Variants in OR6N1 observed in about 807,000 individuals in gnomAD.
OR6N1 encodes the protein olfactory receptor 6N1.
For missense variants in OR6N1, 394 were observed against 371.7 expected (o/e 1.06, Z -0.49); for synonymous variants, 170 against 150.7 (o/e 1.13, Z -0.94).
At chr1:158,774,461 C>G (rs555600978), upstream of OR6N1, 11 of 152,298 alleles carry the variant, frequency 7.2e-5, no homozygotes, top group South Asian at 2.3e-3. Flanking sequence ...CTCAGGAAAG[C>G]TGCCCAGGCT....
At chr1:158,768,623 G>A (rs528783859) in intron 1 of OR6N1, among the ~76,000 whole-genome samples, 17 of 152,138 alleles carry the variant, frequency 1.1e-4, no homozygotes, top group Non-Finnish European at 1.5e-4. Context: ...TAGGTTCTGC[G>A]TTTCCATCGA....
At chr1:158,803,914 G>GA in the OR6N1 span, among the ~76,000 whole-genome samples, 5 of 152,284 alleles carry the variant, frequency 3.3e-5, no homozygotes, top group South Asian at 2.1e-4. Context: ...TAGAGTGAGG[G>GA]AAAATGACAA....
intron 1 of OR6N1, among the ~76,000 whole-genome samples, chr1:158,767,595 A>C (rs1305282331): frequency 6.6e-6 from 1 of 152,236 alleles, no homozygotes; most frequent in Non-Finnish European, 1.5e-5. Context: ...GATGTTAACA[A>C]ACTAATATTG....
At chr1:158,835,674 A>C in the OR6N1 span, among the ~76,000 whole-genome samples, 1 of 151,874 alleles carries the variant, frequency 6.6e-6, no homozygotes, top group Admixed American at 6.6e-5. Flanking sequence ...TGAACAAAAA[A>C]ATCATCCTTG....
At chr1:158,830,939 C>T in the OR6N1 span, among the ~76,000 whole-genome samples, 2 of 152,108 alleles carry the variant, frequency 1.3e-5, no homozygotes, top group Non-Finnish European at 2.9e-5. Flanking sequence ...GTAGACCCAC[C>T]CCTATCCAAG....
the OR6N1 span, among the ~76,000 whole-genome samples, chr1:158,813,853 C>G: frequency 6.6e-6 from 1 of 151,780 alleles, no homozygotes; most frequent in African/African-American, 2.4e-5. Flanking sequence ...GTGCTCCATG[C>G]CCGGTTGATT....
At chr1:158,832,590 CAG>C in the OR6N1 span, among the ~76,000 whole-genome samples, 323 of 151,154 alleles carry the variant, frequency 2.1e-3, 7 homozygotes, top group East Asian at 0.059. Context: ...AAAGTAATAA[CAG>C]ATTATATTTA....
At chr1:158,818,235 C>T in the OR6N1 span, among the ~76,000 whole-genome samples, 1 of 152,252 alleles carries the variant, frequency 6.6e-6, no homozygotes, top group Non-Finnish European at 1.5e-5. Context: ...GGACTAGACA[C>T]ATAGCCTTTC....
At chr1:158,776,581 G>T, upstream of OR6N1, 1 of 659,516 alleles carries the variant, frequency 1.5e-6, no homozygotes, top group Non-Finnish European at 2.6e-6. Context: ...CTTTGAAGAG[G>T]TGAAAGGAAA....
At chr1:158,817,711 A>T in the OR6N1 span, among the ~76,000 whole-genome samples, 36 of 152,174 alleles carry the variant, frequency 2.4e-4, no homozygotes, top group African/African-American at 8.4e-4. Flanking sequence ...GCATGGGTGT[A>T]ATCTGAAAAG....
the OR6N1 span, among the ~76,000 whole-genome samples, chr1:158,828,000 A>C: frequency 6.6e-6 from 1 of 152,178 alleles, no homozygotes; most frequent in Non-Finnish European, 1.5e-5. Flanking sequence ...GGCAACTCCC[A>C]TTTTTTAAAA....
chr1:158,787,764 A>G, the OR6N1 span, among the ~76,000 whole-genome samples: 7 of 152,154 alleles, frequency 4.6e-5, no homozygotes, highest in Non-Finnish European at 8.8e-5. Context: ...TCTTGAAAAT[A>G]TATCTCTCCC....
Position 158,765,465 on chromosome 1 carries a change from A to T in OR6N1, c.*279T>A, listed in dbSNP as rs1006072227. 1.7e-5 allele frequency: 5 copies of T among 297,466 alleles called. No homozygotes were observed. The highest frequency in any genetic ancestry group is 3.1e-5 in the Non-Finnish European group (5 of 159,594). The allele number at this position is 297,466 out of a possible 1,614,324, so 18.4% of individuals were successfully genotyped here. Reference sequence around the variant, plus strand: ...TAGGTAAGACACAGATTTTAAAAAAAACCTAAGTGTGATACATAAACATCT... The same window carrying T: ...TAGGTAAGACACAGATTTTAAAAAATACCTAAGTGTGATACATAAACATCT... On this transcript the variant is annotated 3_prime_UTR_variant, in exon 2 of 2. Transcript: ENST00000641846.
chr1:158,815,620 T>C, the OR6N1 span, among the ~76,000 whole-genome samples: 1 of 152,142 alleles, frequency 6.6e-6, no homozygotes, highest in Non-Finnish European at 1.5e-5. Flanking sequence ...CATGAAAAAA[T>C]GTGAGGTATA....
At chr1:158,781,441 C>T in the OR6N1 span, among the ~76,000 whole-genome samples, 1 of 152,130 alleles carries the variant, frequency 6.6e-6, no homozygotes, top group African/African-American at 2.4e-5. Flanking sequence ...AAAGTCTTTC[C>T]CAAATGTTTG....
Position 158,766,385 on chromosome 1 carries a change from G to C in OR6N1, c.298C>G (p.Gln100Glu), listed in dbSNP as rs369750533. The change falls in exon 2 of 2, where the codon CAG becomes GAG. Residue 100 changes from glutamine to glutamate, a missense_variant. Gln to Glu is a conservative substitution (Grantham distance 29). Transcript: ENST00000641846. ...KTISFSGCLLQIYFFHSLGAT... is the reference protein window; with the variant it reads ...KTISFSGCLLEIYFFHSLGAT... ...CCAAGGGAGTGAAAGAAATAGATCT[G>C]CAGGAGACACCCAGAGAATGAAATG... 1.1e-5 allele frequency: 18 copies of C among 1,614,156 alleles called. No homozygotes were observed. Among genetic ancestry groups the C allele is most frequent in the Non-Finnish European group, 1.4e-5 (17 of 1,180,024 alleles).
chr1:158,827,826 G>T, the OR6N1 span, among the ~76,000 whole-genome samples: 1 of 152,178 alleles, frequency 6.6e-6, no homozygotes, highest in Non-Finnish European at 1.5e-5. Flanking sequence ...TCTTCATCCT[G>T]CTGATAAAGG....
At chr1:158,784,085 G>A in the OR6N1 span, among the ~76,000 whole-genome samples, 9 of 152,160 alleles carry the variant, frequency 5.9e-5, no homozygotes, top group African/African-American at 1.7e-4. Context: ...CAGCCTGGGC[G>A]ACGGAGCGAG....
At chr1:158,826,539 C>G in the OR6N1 span, among the ~76,000 whole-genome samples, 1 of 152,090 alleles carries the variant, frequency 6.6e-6, no homozygotes, top group East Asian at 1.9e-4. Context: ...AATGATGACT[C>G]TAGTCACTGA....
Sources: allele counts gnomAD v4.1 joint callset (sites outside exome capture counted in the v4.1 genomes callset), GRCh38; gene constraint gnomAD v4.1.1; transcripts MANE v1.5; gene names NCBI Gene and HGNC (gene_info 2026-07-23, HGNC 2026-07-21).